ABCA3: variants seen among roughly 807,000 people sequenced by gnomAD.
The protein encoded by ABCA3 is ATP binding cassette subfamily A member 3.
A neutral mutation model predicts 172.8 loss-of-function variants in ABCA3; 88 were observed. The observed-to-expected ratio is 0.51, with a 90% CI of 0.43 to 0.61. ABCA3 has a LOEUF of 0.61. Among genes scored for constraint, ABCA3 ranks in the 20% least tolerant of loss-of-function variants. ABCA3 has a pLI of 0.00. For missense variants in ABCA3, 2,164 were observed against 2,301.0 expected, an observed-to-expected ratio of 0.94 and a Z score of 1.22; for synonymous variants, 1,066 against 983.8, an observed-to-expected ratio of 1.08 and a Z score of -1.56.
chr16:2,339,845 T>C (rs2093757696), intron 1 of ABCA3, among the ~76,000 whole-genome samples: 1 of 152,254 alleles, frequency 6.6e-6, no homozygotes, highest in Admixed American at 6.5e-5. Context: ...TCCCGGCCCT[T>C]CTGAAGCGTG....
rs143176356 is a variant in ABCA3, at chr16:2,276,767, G to A, written c.5022C>T (p.Gly1674=). 1.2e-4 allele frequency: 197 copies of A among 1,613,972 alleles called. No homozygotes were observed. Among genetic ancestry groups the A allele is most frequent in the Non-Finnish European group, 1.1e-4 (131 of 1,180,030 alleles). The change falls in exon 33 of 33, where the codon GGC becomes GGT. Residue 1674 remains glycine (G), a synonymous_variant. Transcript: ENST00000301732. ...TCTGGCTCACGGAGTAGTCGTCCAC[G>A]CCGTACTTTTCCTTGGCTTTCTCCA... ...GILEKAKEKY[G]VDDYSVSQIS...
rs776859171 is a variant in ABCA3 at position 2,283,072 on chromosome 16, TG to T, written c.4035+113del. 4.9e-6 allele frequency: 6 copies of T among 1,218,064 alleles called. No homozygotes were observed. Among genetic ancestry groups the T allele is most frequent in the Non-Finnish European group, 7.0e-6 (6 of 853,228 alleles). The allele number at this position is 1,218,064 out of a possible 1,614,324, so 75.5% of individuals were successfully genotyped here. On this transcript the variant is annotated intron_variant, in intron 26 of 32. Coordinates refer to ENST00000301732, the MANE Select transcript of ABCA3 (RefSeq NM_001089.3). The surrounding 1 kb of genome is among the most constrained non-coding windows in gnomAD (Gnocchi z 5.4). ...TGAGGCCGTACAGTGGGAGACCATC[TG>T]GTGCAGGAGCTGCCTGGTGGAGAAG...
At chr16:2,330,002 A>G (rs2093740523) in intron 1 of ABCA3, 148 bp from the exon 2 acceptor site, 1 of 152,194 alleles carries the variant, frequency 6.6e-6, no homozygotes, top group Admixed American at 6.5e-5. Flanking sequence ...GATTTAGAAA[A>G]TAAACACCTG....
intron 8 of ABCA3, among the ~76,000 whole-genome samples, chr16:2,318,519 CT>C (rs1050906115): frequency 2.1e-3 from 305 of 144,248 alleles, no homozygotes; most frequent in Admixed American, 2.1e-3. Flanking sequence ...TTCTCTTTTT[CT>C]TTTTTTTTTT....
chr16:2,305,587 G>C (rs537499708), intron 11 of ABCA3, among the ~76,000 whole-genome samples: 1 of 152,002 alleles, frequency 6.6e-6, no homozygotes, highest in Non-Finnish European at 1.5e-5. Flanking sequence ...GAGCCACCGC[G>C]CCCCGCCAAT....
At chr16:2,293,199 C>T (rs1176678979) in intron 18 of ABCA3, among the ~76,000 whole-genome samples, 2 of 151,256 alleles carry the variant, frequency 1.3e-5, no homozygotes, top group Non-Finnish European at 2.9e-5. Flanking sequence ...CTATAGGCGC[C>T]CGCCACCACA....
rs1189508366 is a variant in ABCA3, at chr16:2,297,715, T to A, written c.2052+51A>T. On this transcript the variant is annotated intron_variant, in intron 16 of 32. Transcript: ENST00000301732. The surrounding 1 kb of genome is among the most constrained non-coding windows in gnomAD (Gnocchi z 5.6). ...TGCCCGGGCCATGGCGGAAGGGCCA[T>A]CCCAGGTCGAGCAGGAGGGGAACCC... 1 of 1,603,530 alleles carries A rather than the reference T, an allele frequency of 6.2e-7. No homozygotes were observed. The highest frequency in any genetic ancestry group is 1.3e-5 in the African/African-American group (1 of 74,840).
At chr16:2,302,052 G>T (rs933846179) in intron 12 of ABCA3, among the ~76,000 whole-genome samples, 206 of 152,380 alleles carry the variant, frequency 1.4e-3, no homozygotes, top group Non-Finnish European at 3.2e-4. Flanking sequence ...TGTTCCTGCT[G>T]CAAGTAATTC....
rs1342941832 is a variant in ABCA3, at chr16:2,308,555, G to T, written c.1180C>A (p.Pro394Thr). Residue 394 changes from proline (P) to threonine (T), a missense_variant, in exon 11 of 33, where the codon CCT becomes ACT. Coordinates refer to ENST00000301732, the MANE Select transcript of ABCA3 (RefSeq NM_001089.3). ...FTYIPYFFVA[P>T]RYNWMTLSQK... ...CTCAGAGTCATCCAGTTGTACCGAGGGGCCACGAAGAAGTAGGGGATGTAG... is the reference window on the plus strand; with the variant it reads ...CTCAGAGTCATCCAGTTGTACCGAGTGGCCACGAAGAAGTAGGGGATGTAG... 6.2e-7 allele frequency: 1 copy of T among 1,614,200 alleles called. No homozygotes were observed. The highest frequency in any genetic ancestry group is 8.5e-7 in the Non-Finnish European group (1 of 1,180,012).
chr16:2,327,285 G>A (rs547232304), intron 3 of ABCA3, among the ~76,000 whole-genome samples: 5 of 151,842 alleles, frequency 3.3e-5, no homozygotes, highest in African/African-American at 7.3e-5. Flanking sequence ...GGCTGGTCTC[G>A]AACTCCTGGC....
At chr16:2,294,131 C>T (rs1327889677) in intron 18 of ABCA3, among the ~76,000 whole-genome samples, 1 of 151,310 alleles carries the variant, frequency 6.6e-6, no homozygotes, top group Non-Finnish European at 1.5e-5. Context: ...GATTCTCCTG[C>T]CTCAGCCTCC....
chr16:2,300,412 C>T (rs2093687084), intron 12 of ABCA3, among the ~76,000 whole-genome samples: 2 of 152,014 alleles, frequency 1.3e-5, no homozygotes, highest in African/African-American at 4.8e-5. Flanking sequence ...AGATCCGATA[C>T]AGGGCAAAGG....
rs533017536 is a variant in ABCA3, at chr16:2,305,046, C to T, written c.1286-896G>A. Among the ~76,000 whole-genome samples the T allele has an allele frequency of 7.2e-5, 11 of 152,292 alleles. No homozygotes were observed. The East Asian group carries it at 2.1e-3, about 29-fold the overall frequency. On this transcript the variant is annotated intron_variant, in intron 11 of 32. Coordinates refer to ENST00000301732, the MANE Select transcript of ABCA3 (RefSeq NM_001089.3). ...CAGCCTGGTCTCGAACTCCTGAGCTCGGGCAACCTACCCGCCTTGGCCTCC... is the reference window on the plus strand; with the variant it reads ...CAGCCTGGTCTCGAACTCCTGAGCTTGGGCAACCTACCCGCCTTGGCCTCC...
chr16:2,330,524 T>C (rs753840925), intron 1 of ABCA3, among the ~76,000 whole-genome samples: 19 of 151,322 alleles, frequency 1.3e-4, no homozygotes, highest in Admixed American at 2.0e-4. Context: ...TTCACCACTT[T>C]GGCCAGGCTG....
rs560851887 is a variant in ABCA3 at position 2,312,967 on chromosome 16, T to C, written c.1111+4316A>G. On this transcript the variant is annotated intron_variant, in intron 10 of 32. Coordinates refer to ENST00000301732, the MANE Select transcript of ABCA3 (RefSeq NM_001089.3). ...TGGGAGGGAGGCTGAAGTGGAAGGA[T>C]CACTCGAGCCCTGGGAGACAGAGGT... Among the ~76,000 whole-genome samples, 3 of 151,838 alleles carry C rather than the reference T, an allele frequency of 2.0e-5. No individual in the cohort carries two copies. The South Asian group carries it at 6.3e-4, about 32-fold the overall frequency.
intron 3 of ABCA3, among the ~76,000 whole-genome samples, chr16:2,327,784 G>C (rs2093736755): frequency 6.6e-6 from 1 of 152,174 alleles, no homozygotes; most frequent in South Asian, 2.1e-4. Context: ...ACAGTGGCGT[G>C]ATCTTGGCTC....
intron 1 of ABCA3, among the ~76,000 whole-genome samples, chr16:2,338,586 C>T (rs543198762): frequency 1.3e-5 from 2 of 152,168 alleles, no homozygotes; most frequent in East Asian, 1.9e-4. Context: ...CTCTGCTCTT[C>T]TTGGAGCCAA....
chr16:2,286,655 G>A lies in ABCA3; in HGVS notation c.3278+39C>T, dbSNP rs777362409. On this transcript the variant is annotated intron_variant, in intron 22 of 32. Transcript: ENST00000301732. The surrounding 1 kb of genome is among the most constrained non-coding windows in gnomAD (Gnocchi z 5.2). ...GTGCCCAGGGCAGTCAGTCCTGGGG[G>A]CTCTGGCCAGGGCAGACAGGGACGG... The A allele has an allele frequency of 5.0e-6, 8 of 1,611,090 alleles. No individual in the cohort carries two copies. The highest frequency in any genetic ancestry group is 4.5e-5 in the East Asian group (2 of 44,864).
rs778125207 is a variant in ABCA3, at chr16:2,328,469, T to C, written c.-43A>G. The C allele has an allele frequency of 4.3e-5, 22 of 507,328 alleles. 1 individual carries two copies. Among genetic ancestry groups the C allele is most frequent in the South Asian group, 3.2e-4 (22 of 69,128 alleles). The allele number at this position is 507,328 out of a possible 1,614,324, so 31.4% of individuals were successfully genotyped here. Reference sequence around the variant, plus strand: ...GCTGCTAACCTGCTAGAGAAGTAGGTGGTCTGAGTAAGTTCAAGTAGGCGC... The same window carrying C: ...GCTGCTAACCTGCTAGAGAAGTAGGCGGTCTGAGTAAGTTCAAGTAGGCGC... On this transcript the variant is annotated 5_prime_UTR_variant, in exon 3 of 33. Transcript: ENST00000301732.
Sources: allele counts gnomAD v4.1 joint callset (sites outside exome capture counted in the v4.1 genomes callset), GRCh38; gene constraint gnomAD v4.1.1; non-coding constraint Gnocchi (gnomAD v3.1); transcripts MANE v1.5; gene names NCBI Gene and HGNC (gene_info 2026-07-23, HGNC 2026-07-21).